ANGPT1: variants seen among roughly 807,000 people sequenced by gnomAD.
The protein encoded by ANGPT1 is angiopoietin-1.
A neutral mutation model predicts 62.2 loss-of-function variants in ANGPT1; 17 were observed. That is an observed-to-expected ratio of 0.27 (90% CI 0.19 to 0.41). ANGPT1 has a LOEUF of 0.41. Among genes scored for constraint, ANGPT1 ranks in the 10% least tolerant of loss-of-function variants. ANGPT1 has a pLI of 1.00. For missense variants in ANGPT1, 478 were observed against 594.9 expected, an observed-to-expected ratio of 0.80 and a Z score of 2.04; for synonymous variants, 199 against 198.9, an observed-to-expected ratio of 1.00 and a Z score of 0.00.
At chr8:107,288,401 T>C (rs2130154492) in intron 6 of ANGPT1, among the ~76,000 whole-genome samples, 1 of 152,232 alleles carries the variant, frequency 6.6e-6, no homozygotes, top group East Asian at 1.9e-4. Context: ...TTTTAGGAGC[T>C]ACACAAGAGG....
intron 1 of ANGPT1, among the ~76,000 whole-genome samples, chr8:107,473,790 C>A (rs1812428512): frequency 2.6e-5 from 4 of 151,966 alleles, no homozygotes; most frequent in Admixed American, 1.3e-4. Context: ...GGCTCATTAC[C>A]CTTAGACTTA....
At chr8:107,313,436 T>TTTG (rs1243516472) in intron 4 of ANGPT1, among the ~76,000 whole-genome samples, 2 of 122,010 alleles carry the variant, frequency 1.6e-5, no homozygotes, top group East Asian at 2.3e-4. Flanking sequence ...GTTGTTTTTT[T>TTTG]TTTTTTTTTT....
intron 1 of ANGPT1, among the ~76,000 whole-genome samples, chr8:107,421,437 A>G (rs796838343): frequency 1.2e-4 from 19 of 152,352 alleles, no homozygotes; most frequent in African/African-American, 4.3e-4. Context: ...AAACAAGGAA[A>G]GAAAGAAAAA....
chr8:107,264,389 C>G, intron 7 of ANGPT1, 38 bp from the exon 8 acceptor site: 1 of 1,602,316 alleles, frequency 6.2e-7, no homozygotes, highest in Non-Finnish European at 8.5e-7. Flanking sequence ...ATAAGCCATT[C>G]GACAGAATAA....
chr8:107,288,588 T>C (rs1022186880), intron 6 of ANGPT1, among the ~76,000 whole-genome samples: 1 of 152,190 alleles, frequency 6.6e-6, no homozygotes, highest in African/African-American at 2.4e-5. Flanking sequence ...GCTATACATG[T>C]AAAAGGTTGC....
rs575998390 is a variant in ANGPT1, at chr8:107,433,005, TA to T, written c.297+64256del. Among the ~76,000 whole-genome samples, 116 of 152,206 alleles carry T rather than the reference TA, an allele frequency of 7.6e-4. 1 individual carries two copies. Among genetic ancestry groups the T allele is most frequent in the African/African-American group, 2.6e-3 (106 of 41,544 alleles). On this transcript the variant is annotated intron_variant, in intron 1 of 8. Coordinates refer to ENST00000517746, the MANE Select transcript of ANGPT1 (RefSeq NM_001146.5). ...TTATAAAAGCAATGATGTCTTGACT[TA>T]AAAAAAACCTCAAATTAATAAACAT...
intron 1 of ANGPT1, among the ~76,000 whole-genome samples, chr8:107,427,745 C>A (rs764732527): frequency 6.6e-6 from 1 of 152,218 alleles, no homozygotes; most frequent in East Asian, 1.9e-4. Flanking sequence ...GTATAGTCCC[C>A]AGGTAAGACC....
intron 1 of ANGPT1, among the ~76,000 whole-genome samples, chr8:107,427,486 G>A (rs906858636): frequency 1.3e-5 from 2 of 152,124 alleles, no homozygotes; most frequent in African/African-American, 2.4e-5. Context: ...ACTTGCAGAC[G>A]CTCTCCTGAA....
At chr8:107,318,713 A>T (rs1815079190) in intron 4 of ANGPT1, among the ~76,000 whole-genome samples, 1 of 152,134 alleles carries the variant, frequency 6.6e-6, no homozygotes, top group Non-Finnish European at 1.5e-5. Flanking sequence ...TTAATGACAA[A>T]TAATAACTGT....
At chr8:107,328,907 T>A (rs1329218587) in intron 3 of ANGPT1, among the ~76,000 whole-genome samples, 1 of 151,884 alleles carries the variant, frequency 6.6e-6, no homozygotes, top group Non-Finnish European at 1.5e-5. Flanking sequence ...AAATTATATA[T>A]CTATTAACAT....
chr8:107,454,678 G>A (rs932839945), intron 1 of ANGPT1, among the ~76,000 whole-genome samples: 7 of 151,988 alleles, frequency 4.6e-5, no homozygotes, highest in African/African-American at 7.2e-5. Flanking sequence ...ATTCATAAAT[G>A]CCGACTTGAA....
At chr8:107,274,229 T>C (rs1224001368) in intron 7 of ANGPT1, among the ~76,000 whole-genome samples, 1 of 152,172 alleles carries the variant, frequency 6.6e-6, no homozygotes, top group Non-Finnish European at 1.5e-5. Context: ...ACAGGCACCC[T>C]AGTTACCTAT....
intron 2 of ANGPT1, 125 bp from the exon 3 acceptor site, chr8:107,336,396 T>C (rs1253442578): frequency 7.3e-7 from 1 of 1,371,128 alleles, no homozygotes; most frequent in Non-Finnish European, 9.4e-7. Context: ...CCGGGCGCAG[T>C]GGCTCACGCC....
At chr8:107,433,071 C>G (rs184274839) in intron 1 of ANGPT1, among the ~76,000 whole-genome samples, 2 of 152,040 alleles carry the variant, frequency 1.3e-5, no homozygotes, top group Non-Finnish European at 2.9e-5. Context: ...TCTTTTTCCC[C>G]TCTTTTTTTT....
intron 4 of ANGPT1, among the ~76,000 whole-genome samples, chr8:107,308,486 G>T (rs1814773572): frequency 6.6e-6 from 1 of 152,096 alleles, no homozygotes; most frequent in Non-Finnish European, 1.5e-5. Context: ...GCACCAAAGA[G>T]AGAGAATGCA....
At chr8:107,333,086 A>T (rs2130107367) in intron 3 of ANGPT1, among the ~76,000 whole-genome samples, 1 of 152,308 alleles carries the variant, frequency 6.6e-6, no homozygotes, top group South Asian at 2.1e-4. Context: ...AAAATAAACA[A>T]TAACAATAAA....
At chr8:107,271,517 G>A (rs2130071013) in intron 7 of ANGPT1, among the ~76,000 whole-genome samples, 1 of 152,002 alleles carries the variant, frequency 6.6e-6, no homozygotes, top group East Asian at 1.9e-4. Flanking sequence ...TAAAAACAAT[G>A]ACATAGAGAT....
chr8:107,275,633 T>A (rs1380586377), intron 7 of ANGPT1, among the ~76,000 whole-genome samples: 1 of 152,176 alleles, frequency 6.6e-6, no homozygotes, highest in Non-Finnish European at 1.5e-5. Context: ...GGTATGCACC[T>A]GCATGAACAC....
chr8:107,453,352 C>A (rs568071870), intron 1 of ANGPT1, among the ~76,000 whole-genome samples: 1 of 152,106 alleles, frequency 6.6e-6, no homozygotes, highest in African/African-American at 2.4e-5. Context: ...GGACAATTTA[C>A]AAAAGAAAGA....
Sources: allele counts gnomAD v4.1 joint callset (sites outside exome capture counted in the v4.1 genomes callset), GRCh38; gene constraint gnomAD v4.1.1; transcripts MANE v1.5; gene names NCBI Gene and HGNC (gene_info 2026-07-23, HGNC 2026-07-21).